ZFHX3: variants seen among roughly 807,000 people sequenced by gnomAD.
ZFHX3 encodes the protein zinc finger homeobox protein 3.
A neutral mutation model predicts 279.1 loss-of-function variants in ZFHX3; 42 were observed. The ratio of observed to expected loss-of-function variants is 0.15; its 90% CI spans 0.12 to 0.19. ZFHX3 has a LOEUF of 0.19. ZFHX3 is among the 10% of genes least tolerant of loss of function. The pLI is 1.00. For missense variants in ZFHX3, 4,981 were observed against 4,754.0 expected, an observed-to-expected ratio of 1.05 and a Z score of -1.40; for synonymous variants, 2,293 against 1,957.8, an observed-to-expected ratio of 1.17 and a Z score of -4.52.
chr16:73,129,439 G>A (rs1490110262), intron 7 of ZFHX3, among the ~76,000 whole-genome samples: 1 of 150,140 alleles, frequency 6.7e-6, no homozygotes, highest in African/African-American at 2.4e-5. Flanking sequence ...TCTAGTGTCA[G>A]TCTCTATTTT....
chr16:72,889,687 AC>A lies in ZFHX3; in HGVS notation c.3448+43del, dbSNP rs1478285785. 1.0e-5 allele frequency: 16 copies of A among 1,590,584 alleles called. 1 individual carries two copies. In the South Asian group the frequency reaches 1.8e-4, roughly 18 times the overall value. On this transcript the variant is annotated intron_variant, in intron 4 of 9. Transcript: ENST00000268489. ...CTCTGGAGGTCTCAAGGAGGTGAAC[AC>A]CCAGGCCCAACCTGGGCCTCCCATG...
intron 4 of ZFHX3, among the ~76,000 whole-genome samples, chr16:72,882,119 C>T (rs1014360547): frequency 6.6e-6 from 1 of 151,764 alleles, no homozygotes; most frequent in Non-Finnish European, 1.5e-5. Flanking sequence ...TGCAAACACA[C>T]CCATATACTG....
chr16:73,103,973 G>C (rs1003562257), intron 7 of ZFHX3, among the ~76,000 whole-genome samples: 1 of 152,220 alleles, frequency 6.6e-6, no homozygotes, highest in Admixed American at 6.5e-5. Context: ...GATTCCACTG[G>C]TCTATCTCCC....
At chr16:73,748,056 T>C (rs923222636) in intron 1 of ZFHX3, among the ~76,000 whole-genome samples, 1 of 152,222 alleles carries the variant, frequency 6.6e-6, no homozygotes, top group African/African-American at 2.4e-5. Context: ...TTGGGGATAA[T>C]AGTCTATCCA....
intron 2 of ZFHX3, among the ~76,000 whole-genome samples, chr16:73,565,191 C>T (rs2020432294): frequency 6.6e-6 from 1 of 151,724 alleles, no homozygotes. Context: ...GAGGTGGAAG[C>T]TGCAGTGAGC....
At chr16:72,986,925 C>T (rs1023079709) in intron 1 of ZFHX3, among the ~76,000 whole-genome samples, 10 of 152,054 alleles carry the variant, frequency 6.6e-5, no homozygotes, top group Admixed American at 1.3e-4. Flanking sequence ...TCAGACAGAC[C>T]GCTTGAGCCC....
At chr16:73,432,013 G>C (rs138226412) in intron 3 of ZFHX3, among the ~76,000 whole-genome samples, 1 of 152,246 alleles carries the variant, frequency 6.6e-6, no homozygotes, top group East Asian at 1.9e-4. Flanking sequence ...AGGTTCTTCA[G>C]AACTGCTGAG....
intron 1 of ZFHX3, among the ~76,000 whole-genome samples, chr16:73,890,669 T>A (rs1278113330): frequency 6.6e-6 from 1 of 152,128 alleles, no homozygotes; most frequent in East Asian, 1.9e-4. Context: ...CTGCGTAATA[T>A]CACAAATTAG....
chr16:73,041,802 T>C (rs776016253), intron 1 of ZFHX3, among the ~76,000 whole-genome samples: 6 of 152,152 alleles, frequency 3.9e-5, no homozygotes, highest in African/African-American at 9.7e-5. Context: ...AAACCATTCC[T>C]CCAGTCAAGG....
chr16:73,039,297 A>C (rs955114213), intron 1 of ZFHX3, among the ~76,000 whole-genome samples: 1 of 152,074 alleles, frequency 6.6e-6, no homozygotes, highest in Non-Finnish European at 1.5e-5. Flanking sequence ...ACCAGTGTAA[A>C]ATTGAGCAAA....
intron 6 of ZFHX3, among the ~76,000 whole-genome samples, chr16:73,138,475 G>A (rs145224292): frequency 6.6e-6 from 1 of 152,268 alleles, no homozygotes; most frequent in Non-Finnish European, 1.5e-5. Flanking sequence ...GAAGACCAGG[G>A]CAAGAAGAGT....
intron 1 of ZFHX3, among the ~76,000 whole-genome samples, chr16:73,784,796 A>AT (rs1555501448): frequency 0.22 from 28,579 of 130,612 alleles, 2,992 homozygotes; most frequent in Non-Finnish European, 0.25. Context: ...TAAAAAAAAA[A>AT]ATATATATAT....
intron 5 of ZFHX3, among the ~76,000 whole-genome samples, chr16:72,816,782 T>C (rs927630348): frequency 2.1e-4 from 32 of 152,348 alleles, no homozygotes; most frequent in African/African-American, 7.5e-4. Flanking sequence ...CTTAGGCTCC[T>C]CTGCATTCTA....
chr16:73,660,728 A>G (rs1376660936), intron 2 of ZFHX3, among the ~76,000 whole-genome samples: 1 of 152,138 alleles, frequency 6.6e-6, no homozygotes, highest in African/African-American at 2.4e-5. Context: ...TCTCTTTTTC[A>G]TCAAAAACAA....
intron 1 of ZFHX3, among the ~76,000 whole-genome samples, chr16:73,687,566 G>A (rs1021195547): frequency 2.0e-5 from 3 of 151,954 alleles, no homozygotes; most frequent in East Asian, 1.9e-4. Flanking sequence ...ACTATTGACC[G>A]GGTGCGGTGG....
At chr16:73,486,844 C>T in intron 2 of ZFHX3, 1 of 456,034 alleles carries the variant, frequency 2.2e-6, no homozygotes, top group South Asian at 1.5e-5. Context: ...GGGTCTCAGG[C>T]TTTACCCAGA....
chr16:72,984,263 G>A (rs567542132), intron 1 of ZFHX3, among the ~76,000 whole-genome samples: 1 of 152,238 alleles, frequency 6.6e-6, no homozygotes, highest in Non-Finnish European at 1.5e-5. Flanking sequence ...CTTCCTCCTA[G>A]TCTATCTACT....
chr16:73,320,987 G>C (rs1733058909), intron 3 of ZFHX3, among the ~76,000 whole-genome samples: 1 of 152,172 alleles, frequency 6.6e-6, no homozygotes, highest in East Asian at 1.9e-4. Flanking sequence ...TTCCTTCTTT[G>C]TGCCAATGCT....
intron 1 of ZFHX3, among the ~76,000 whole-genome samples, chr16:73,879,265 G>A (rs1459937097): frequency 6.9e-6 from 1 of 144,766 alleles, no homozygotes; most frequent in Admixed American, 6.9e-5. Context: ...GACTACCATC[G>A]TGGTCAGGAG....
Sources: gnomAD v4.1 joint callset for allele counts (sites outside exome capture counted in the v4.1 genomes callset) on GRCh38, gnomAD v4.1.1 for gene constraint, MANE v1.5 for transcripts, NCBI Gene and HGNC (gene_info 2026-07-23, HGNC 2026-07-21) for gene names.